The following KAZN variants were observed in gnomAD, a reference collection of about 807,000 sequenced individuals.
KAZN encodes kazrin.
KAZN carries 40 observed loss-of-function variants against 87.4 expected under a neutral mutation model. That is an observed-to-expected ratio of 0.46 (90% confidence interval 0.36 to 0.60). The LOEUF (loss-of-function observed/expected upper bound fraction) is 0.60. KAZN is among the 20% of genes least tolerant of loss of function. KAZN has a pLI of 0.00. For synonymous variants in KAZN, 466 were observed against 458.3 expected (o/e 1.02, Z -0.22); for missense variants, 898 against 1,073.9 (o/e 0.84, Z 2.29).
At chr1:15,067,415 G>A in intron 8 of KAZN, 2 of 985,506 alleles carry the variant, frequency 2.0e-6, no homozygotes. Context: ...GGAACTGTGT[G>A]TATTTTAATG....
chr1:14,860,606 T>C (rs1194687468), intron 1 of KAZN, among the ~76,000 whole-genome samples: 1 of 152,248 alleles, frequency 6.6e-6, no homozygotes, highest in African/African-American at 2.4e-5. Flanking sequence ...ATCCAGTCTG[T>C]AGTCAACTTC....
chr1:14,675,302 C>T (rs1393778145), intron 1 of KAZN, among the ~76,000 whole-genome samples: 2 of 152,202 alleles, frequency 1.3e-5, no homozygotes, highest in East Asian at 3.8e-4. Context: ...AAGTCAAGTT[C>T]TCAGAGTGCG....
chr1:14,375,135 T>C (rs1396760103), intron 2 of KAZN, among the ~76,000 whole-genome samples: 1 of 152,182 alleles, frequency 6.6e-6, no homozygotes, highest in Non-Finnish European at 1.5e-5. Flanking sequence ...GTCAGTTGTA[T>C]TTTAGCGTCT....
intron 2 of KAZN, among the ~76,000 whole-genome samples, chr1:14,516,120 CA>C (rs1466983159): frequency 2.6e-5 from 4 of 152,186 alleles, no homozygotes; most frequent in African/African-American, 9.7e-5. Context: ...GCTTGAGCAG[CA>C]AGTCGAACGT....
At chr1:13,939,312 T>G (rs1005015589) in intron 1 of KAZN, among the ~76,000 whole-genome samples, 6 of 152,222 alleles carry the variant, frequency 3.9e-5, no homozygotes, top group Non-Finnish European at 7.4e-5. Flanking sequence ...TGCTTAGAAT[T>G]TTTTTCCACC....
intron 1 of KAZN, among the ~76,000 whole-genome samples, chr1:14,689,370 T>C (rs1444799608): frequency 6.6e-6 from 1 of 151,970 alleles, no homozygotes; most frequent in Non-Finnish European, 1.5e-5. Flanking sequence ...GGCGTGAGGG[T>C]CTTTCTCCCA....
intron 2 of KAZN, among the ~76,000 whole-genome samples, chr1:14,258,168 A>C (rs1168309192): frequency 7.3e-6 from 1 of 136,256 alleles, no homozygotes; most frequent in African/African-American, 2.6e-5. Context: ...AACTGTCCCA[A>C]AACTGTATTT....
chr1:14,068,799 CT>C (rs5772562), intron 1 of KAZN, among the ~76,000 whole-genome samples: 47,742 of 136,514 alleles, frequency 0.35, 8,390 homozygotes, highest in East Asian at 0.62. Context: ...GTTGAGTTCT[CT>C]TTTTTTTTTT....
rs78987149 is a variant in KAZN, at chr1:14,694,228, A to T, written c.226+95005A>T. On this transcript the variant is annotated intron_variant, in intron 1 of 14. Transcript: ENST00000376030. ...ACCCCTCCACCTCATCAGCTCTGAG[A>T]TCAACTCAGGCAGCTCCCAGCTGCC... Among the ~76,000 whole-genome samples the T allele has an allele frequency of 3.5e-3, 536 of 152,322 alleles. 14 individuals are homozygous for T. The East Asian group carries it at 0.05, about 14-fold the overall frequency.
intron 2 of KAZN, among the ~76,000 whole-genome samples, chr1:14,386,931 C>T (rs1262520669): frequency 2.0e-5 from 3 of 152,160 alleles, no homozygotes; most frequent in Non-Finnish European, 2.9e-5. Flanking sequence ...TTCCATTCTC[C>T]CCGTCACTTT....
intron 2 of KAZN, among the ~76,000 whole-genome samples, chr1:14,270,954 G>A (rs1018887063): frequency 4.6e-5 from 7 of 152,160 alleles, no homozygotes; most frequent in Admixed American, 6.5e-5. Context: ...CATGGCGCAC[G>A]GAGAAAGGGT....
chr1:14,298,028 C>A (rs1188137870), intron 2 of KAZN, among the ~76,000 whole-genome samples: 1 of 152,104 alleles, frequency 6.6e-6, no homozygotes, highest in Admixed American at 6.5e-5. Context: ...AGTTAGAGAC[C>A]AGCCTGGGTA....
intron 1 of KAZN, among the ~76,000 whole-genome samples, chr1:14,017,520 G>A (rs944833889): frequency 1.3e-5 from 2 of 152,152 alleles, no homozygotes; most frequent in Non-Finnish European, 2.9e-5. Flanking sequence ...GGCTCAAGGG[G>A]GATGAAAAGT....
intron 1 of KAZN, among the ~76,000 whole-genome samples, chr1:14,000,165 T>A (rs1482574192): frequency 6.6e-6 from 1 of 152,174 alleles, no homozygotes; most frequent in Non-Finnish European, 1.5e-5. Context: ...TTCCAAAGAA[T>A]TGAAAAGCAG....
chr1:14,081,377 G>T (rs1281503467), intron 1 of KAZN, among the ~76,000 whole-genome samples: 1 of 151,984 alleles, frequency 6.6e-6, no homozygotes, highest in Non-Finnish European at 1.5e-5. Flanking sequence ...GGATGAGCTT[G>T]TTGCATACAT....
At chr1:15,075,856 C>T (rs553935510) in intron 8 of KAZN, among the ~76,000 whole-genome samples, 90 of 152,336 alleles carry the variant, frequency 5.9e-4, no homozygotes, top group South Asian at 1.7e-3. Flanking sequence ...TCTGTTGGCA[C>T]AGGGACCCAG....
intron 1 of KAZN, among the ~76,000 whole-genome samples, chr1:14,152,861 G>C (rs942737949): frequency 9.2e-5 from 14 of 152,044 alleles, no homozygotes; most frequent in Admixed American, 6.6e-5. Context: ...TGTTATTGCT[G>C]GACTTTTGGA....
At chr1:14,672,038 T>C (rs2148738691) in intron 1 of KAZN, among the ~76,000 whole-genome samples, 1 of 152,344 alleles carries the variant, frequency 6.6e-6, no homozygotes, top group South Asian at 2.1e-4. Context: ...AGCCTAGAAA[T>C]GAACATCCTT....
chr1:15,104,060 G>A lies in KAZN; in HGVS notation c.1919G>A (p.Gly640Asp). The A allele has an allele frequency of 6.2e-7, 1 of 1,613,760 alleles. No homozygotes were observed. The highest frequency in any genetic ancestry group is 8.5e-7 in the Non-Finnish European group (1 of 1,179,840). ...ADNLTNSGVH[G>D]AVLVLEPTFN... ...AACCTGACCAACAGCGGCGTCCATG[G>A]TGCTGTGCTGGTGCTGGAGCCCACA... The change falls in exon 13 of 15, where the codon GGT becomes GAT. Residue 640 changes from glycine (G) to aspartate (D), a missense_variant. Physicochemically the swap from Gly to Asp is moderately conservative, Grantham distance 94 (BLOSUM62 -1). Around this residue, in one of 3 missense-constraint regions of KAZN, gnomAD observed 521 missense variants for 689.4 expected, o/e 0.76. Transcript: ENST00000376030.
Sources: allele counts gnomAD v4.1 joint callset (sites outside exome capture counted in the v4.1 genomes callset), GRCh38; gene constraint gnomAD v4.1.1; regional missense constraint gnomAD v4.1.1; transcripts MANE v1.5; gene names NCBI Gene and HGNC (gene_info 2026-07-23, HGNC 2026-07-21).